The following SLC22A12 variants were observed in gnomAD, a reference collection of about 807,000 sequenced individuals.
SLC22A12 encodes the protein solute carrier family 22 member 12, also known as organic anion transporter 4-like protein.
A neutral mutation model predicts 52.7 loss-of-function variants in SLC22A12; 56 were observed. The ratio of observed to expected loss-of-function variants is 1.06; its 90% confidence interval spans 0.86 to 1.33. SLC22A12 has a LOEUF of 1.33. Ranked by LOEUF, SLC22A12 falls within the 40% of genes most tolerant of loss-of-function variation. SLC22A12 has a pLI of 0.00. For missense variants in SLC22A12, 683 were observed against 741.5 expected, an observed-to-expected ratio of 0.92 and a Z score of 0.92; for synonymous variants, 337 against 324.6, an observed-to-expected ratio of 1.04 and a Z score of -0.41.
intron 6 of SLC22A12, 39 bp from the exon 7 acceptor site, chr11:64,599,637 C>T (rs1399804008): frequency 3.7e-6 from 1 of 266,798 alleles, no homozygotes; most frequent in African/African-American, 2.7e-5. Flanking sequence ...CCCCCCCCAC[C>T]CCCCACCCCC....
intron 4 of SLC22A12, among the ~76,000 whole-genome samples, chr11:64,595,768 TG>T (rs1364367141): frequency 1.9e-4 from 26 of 138,384 alleles, no homozygotes; most frequent in Non-Finnish European, 7.6e-5. Context: ...GATGGATGGA[TG>T]GTTGGAATGG....
Position 64,598,871 on chromosome 11 carries a change from C to G in SLC22A12, c.1018C>G (p.Leu340Val). The G allele has an allele frequency of 6.2e-7, 1 of 1,612,958 alleles. No individual in the cohort carries two copies. Among genetic ancestry groups the G allele is most frequent in the Non-Finnish European group, 8.5e-7 (1 of 1,179,992 alleles). The change falls in exon 6 of 10, where the codon CTG (leucine) becomes GTG (valine). Residue 340 changes from leucine (L) to valine (V), a missense_variant. Leu to Val is a conservative substitution (Grantham distance 32). Coordinates refer to ENST00000377574, the MANE Select transcript of SLC22A12 (RefSeq NM_144585.4). Reference sequence around the variant, plus strand: ...CCAGCCTCCTGCCAGCCTGGGCACCCTGCTCCGCATGCCCGGACTGCGCTT... The same window carrying G: ...CCAGCCTCCTGCCAGCCTGGGCACCGTGCTCCGCATGCCCGGACTGCGCTT... Reference protein sequence around the residue: ...MGQPPASLGTLLRMPGLRFRT... With the variant: ...MGQPPASLGTVLRMPGLRFRT...
At chr11:64,601,044 G>C in intron 9 of SLC22A12, 106 bp downstream of exon 9, 3 of 1,422,670 alleles carry the variant, frequency 2.1e-6, no homozygotes, top group Non-Finnish European at 2.9e-6. Flanking sequence ...GGAAGCAGAG[G>C]CCCAGACAGA....
At chr11:64,594,789 AATGG>A (rs964596701) in intron 4 of SLC22A12, among the ~76,000 whole-genome samples, 5 of 137,406 alleles carry the variant, frequency 3.6e-5, no homozygotes, top group Non-Finnish European at 4.7e-5. Flanking sequence ...AGTTGGAATA[AATGG>A]ATGGATGGAT....
At chr11:64,594,682 CGGAT>C (rs200147816) in intron 4 of SLC22A12, among the ~76,000 whole-genome samples, 8,112 of 134,978 alleles carry the variant, frequency 0.06, 219 homozygotes, top group African/African-American at 0.097. Flanking sequence ...GATGGATGGA[CGGAT>C]GGATGGATGG....
intron 4 of SLC22A12, among the ~76,000 whole-genome samples, chr11:64,595,008 TGGA>T (rs2039069733): frequency 7.5e-6 from 1 of 132,740 alleles, no homozygotes. Context: ...GATGGATGGA[TGGA>T]TGGATGGATG....
In SLC22A12 at chr11:64,598,825, G is replaced by A. The variant is rs1413424560; in HGVS notation, c.972G>A (p.Met324Ile). The A allele has an allele frequency of 8.1e-6, 13 of 1,612,458 alleles. No homozygotes were observed. Among genetic ancestry groups the A allele is most frequent in the African/African-American group, 1.3e-5 (1 of 74,950 alleles). The change falls in exon 6 of 10, where the codon ATG (methionine) becomes ATA (isoleucine). Residue 324 changes from methionine (M) to isoleucine (I), a missense_variant. Transcript: ENST00000377574. ...TLTPEVLLSA[M>I]REELSMGQPP... The stretch of plus-strand genomic sequence containing the variant: ...CTCCACAGGTCTTGCTTTCAGCCAT[G>A]CGGGAGGAGCTGAGCATGGGCCAGC...
intron 4 of SLC22A12, among the ~76,000 whole-genome samples, chr11:64,595,023 TTGGAATAGATGGATGG>T (rs2039073026): frequency 8.6e-5 from 1 of 11,694 alleles, no homozygotes; most frequent in South Asian, 5.4e-3. Flanking sequence ...GGATGGATGG[TTGGAATAGATGGATGG>T]ATGGATGGGT....
At chr11:64,594,231 G>A (rs1016916939) in intron 4 of SLC22A12, among the ~76,000 whole-genome samples, 2 of 152,232 alleles carry the variant, frequency 1.3e-5, no homozygotes, top group South Asian at 2.1e-4. Flanking sequence ...CACACACAGC[G>A]CACAGCCGCA....
In SLC22A12 at chr11:64,592,155, C is replaced by T. The variant is rs12802649; in HGVS notation, c.402+197C>T. On this transcript the variant is annotated intron_variant, in intron 1 of 9. Transcript: ENST00000377574. The stretch of plus-strand genomic sequence containing the variant: ...GATCAGTCTACAAATGGGGCCAGCC[C>T]AGGCTCTTGGAGGTGCGGGGGGCAC... 0.51 allele frequency among the ~76,000 whole-genome samples: 77,318 copies of T among 151,958 alleles called. 23,379 individuals are homozygous for T. The highest frequency in any genetic ancestry group is 0.69 in the Non-Finnish European group (47,149 of 67,892).
At chr11:64,597,566 G>A (rs942404030) in intron 4 of SLC22A12, among the ~76,000 whole-genome samples, 1 of 152,166 alleles carries the variant, frequency 6.6e-6, no homozygotes, top group Non-Finnish European at 1.5e-5. Flanking sequence ...GGCTTCATCA[G>A]CTCTATCTCT....
At chr11:64,596,277 T>TGGATG (rs2039230517) in intron 4 of SLC22A12, among the ~76,000 whole-genome samples, 2 of 4,522 alleles carry the variant, frequency 4.4e-4, no homozygotes, top group Non-Finnish European at 9.7e-4. Context: ...GATGGATGGA[T>TGGATG]GGATGGATGG....
rs2038987283 is a variant in SLC22A12 at position 64,593,498 on chromosome 11, C to T, written c.600C>T (p.Cys200=). 1 of 1,614,062 alleles carries T rather than the reference C, an allele frequency of 6.2e-7. No individual in the cohort carries two copies. The highest frequency in any genetic ancestry group is 1.3e-5 in the African/African-American group (1 of 74,958). The change falls in exon 3 of 10, where the codon TGC becomes TGT. Residue 200 remains cysteine, a synonymous_variant. Coordinates refer to ENST00000377574, the MANE Select transcript of SLC22A12 (RefSeq NM_144585.4). ...AAFAPAFPVY[C]LFRFLLAFAV... is the part of the protein sequence containing the mutation. ...TCGCCCCTGCCTTCCCCGTGTACTGCCTGTTCCGCTTCCTGTTGGCCTTTG... is the reference window on the plus strand; with the variant it reads ...TCGCCCCTGCCTTCCCCGTGTACTGTCTGTTCCGCTTCCTGTTGGCCTTTG...
At chr11:64,595,060 A>ATGGG (rs2039078823) in intron 4 of SLC22A12, among the ~76,000 whole-genome samples, 1 of 132,622 alleles carries the variant, frequency 7.5e-6, no homozygotes, top group Non-Finnish European at 1.6e-5. Flanking sequence ...GGATGGATGG[A>ATGGG]TGGATGGATG....
rs2038999552 is a variant in SLC22A12, at chr11:64,593,787, T to C, written c.814T>C (p.Cys272Arg). 1 of 1,607,366 alleles carries C rather than the reference T, an allele frequency of 6.2e-7. No homozygotes were observed. Among genetic ancestry groups the C allele is most frequent in the South Asian group, 1.1e-5 (1 of 91,086 alleles). Residue 272 changes from cysteine (C) to arginine (R), a missense_variant, in exon 4 of 10, where the codon TGC (cysteine) becomes CGC (arginine). Cys to Arg is a radical substitution (Grantham distance 180, BLOSUM62 -3). Coordinates refer to ENST00000377574, the MANE Select transcript of SLC22A12 (RefSeq NM_144585.4). ...GGTGGTCTCGGTCCCCTTCTTCCTC[T>C]GCTTTTTGTACTCCTGGTGGGTGCT... ...QLVVSVPFFL[C>R]FLYSWWLAES...
Position 64,601,557 on chromosome 11 carries a change from T to C in SLC22A12, c.*6T>C, listed in dbSNP as rs2039456427. 2 of 1,613,796 alleles carry C rather than the reference T, an allele frequency of 1.2e-6. No homozygotes were observed. The highest frequency in any genetic ancestry group is 1.7e-6 in the Non-Finnish European group (2 of 1,179,852). On this transcript the variant is annotated 3_prime_UTR_variant, in exon 10 of 10. Coordinates refer to ENST00000377574, the MANE Select transcript of SLC22A12 (RefSeq NM_144585.4). ...TAAAATCCACACAGTTTTAGCCTCC[T>C]GGGGAACCTGCGATGGGACGGTCAG...
rs1371838063 is a variant in SLC22A12, at chr11:64,599,075, C to T, written c.1070+152C>T. On this transcript the variant is annotated intron_variant, in intron 6 of 9. Coordinates refer to ENST00000377574, the MANE Select transcript of SLC22A12 (RefSeq NM_144585.4). ...TCTGTCAGTCACTCCCGACAGGAGA[C>T]AACCCAGGCCGGGTGGGCTCACTGA... is the stretch of plus-strand genomic sequence containing the variant. The T allele has an allele frequency of 2.2e-5, 27 of 1,200,932 alleles. No individual in the cohort carries two copies. In the East Asian group the frequency reaches 5.9e-4, roughly 26 times the overall value. 74.4% of individuals were successfully genotyped at this position (1,200,932 alleles called of 1,614,324 possible).
chr11:64,596,327 G>A (rs1289750567), intron 4 of SLC22A12, among the ~76,000 whole-genome samples: 1 of 140,046 alleles, frequency 7.1e-6, no homozygotes, highest in Non-Finnish European at 1.6e-5. Context: ...TGAATGGATG[G>A]ATGGATGGAT....
chr11:64,593,728 C>T lies in SLC22A12; in HGVS notation c.755C>T (p.Ala252Val), dbSNP rs2038996940. The T allele has an allele frequency of 6.2e-7, 1 of 1,613,870 alleles. No individual in the cohort carries two copies. The highest frequency in any genetic ancestry group is 8.5e-7 in the Non-Finnish European group (1 of 1,180,030). The change falls in exon 4 of 10, where the codon GCC becomes GTC. Residue 252 changes from alanine (A) to valine (V), a missense_variant. Transcript: ENST00000377574. ...SFGHGLTAAVAYGVRDWTLLQ... is the reference protein window; with the variant it reads ...SFGHGLTAAVVYGVRDWTLLQ... Reference sequence around the variant, plus strand: ...GGCCATGGCCTGACAGCTGCAGTGGCCTACGGTGTGCGGGACTGGACACTG... The same window carrying T: ...GGCCATGGCCTGACAGCTGCAGTGGTCTACGGTGTGCGGGACTGGACACTG...
Sources: gnomAD v4.1 joint callset for allele counts (sites outside exome capture counted in the v4.1 genomes callset) on GRCh38, gnomAD v4.1.1 for gene constraint, MANE v1.5 for transcripts, NCBI Gene and HGNC (gene_info 2026-07-23, HGNC 2026-07-21) for gene names.